The following KLHDC4 variants were observed in gnomAD, a reference collection of about 807,000 sequenced individuals.
The protein encoded by KLHDC4 is kelch domain-containing protein 4.
KLHDC4 carries 90 observed loss-of-function variants against 62.4 expected under a neutral mutation model. The ratio of observed to expected loss-of-function variants is 1.44; its 90% CI spans 1.22 to 1.72. The LOEUF is 1.72. Among genes scored for constraint, KLHDC4 ranks in the 40% most tolerant of loss-of-function variants. The pLI is 0.00. For missense variants in KLHDC4, 1,025 were observed against 699.7 expected, an observed-to-expected ratio of 1.47 and a Z score of -5.25; for synonymous variants, 386 against 284.4, an observed-to-expected ratio of 1.36 and a Z score of -3.59.
intron 4 of KLHDC4, among the ~76,000 whole-genome samples, chr16:87,751,614 A>C (rs1281793941): frequency 6.6e-6 from 1 of 152,166 alleles, no homozygotes; most frequent in Admixed American, 6.5e-5. Flanking sequence ...CACCTTACAT[A>C]ATCAGTCCCT....
chr16:87,747,483 G>A (rs921439230), intron 5 of KLHDC4: 2 of 152,152 alleles, frequency 1.3e-5, no homozygotes, highest in South Asian at 2.1e-4. Context: ...CCCAATTGCT[G>A]CGCCTACTAA....
intron 7 of KLHDC4, among the ~76,000 whole-genome samples, chr16:87,715,008 G>A (rs2036657504): frequency 6.6e-6 from 1 of 152,186 alleles, no homozygotes; most frequent in Non-Finnish European, 1.5e-5. Flanking sequence ...GGCAGGCACT[G>A]CCCACTGAAA....
intron 4 of KLHDC4, among the ~76,000 whole-genome samples, chr16:87,751,528 T>C (rs1488542182): frequency 6.7e-6 from 1 of 148,882 alleles, no homozygotes; most frequent in Non-Finnish European, 1.5e-5. Context: ...ATGCAGAAAA[T>C]ACAAATTCAG....
Position 87,708,005 on chromosome 16 carries a change from T to C in KLHDC4, c.*72A>G. 1 of 489,358 alleles carries C rather than the reference T, an allele frequency of 2.0e-6. No homozygotes were observed. The highest frequency in any genetic ancestry group is 2.3e-5 in the Admixed American group (1 of 43,460). The allele number at this position is 489,358 out of a possible 1,614,324, so 30.3% of individuals were successfully genotyped here. A position where few individuals can be genotyped will look rare whatever the true frequency, so the allele number is the denominator to read the frequency against. On this transcript the variant is annotated 3_prime_UTR_variant, in exon 12 of 12. Transcript: ENST00000270583. ...AGGACGCACGCTGGCCCCAAGAGCTTCACTCAACACGGCTGGGTCCTGGGC... is the reference window on the plus strand; with the variant it reads ...AGGACGCACGCTGGCCCCAAGAGCTCCACTCAACACGGCTGGGTCCTGGGC...
chr16:87,748,633 G>T, intron 5 of KLHDC4, 40 bp downstream of exon 5: 1 of 1,612,460 alleles, frequency 6.2e-7, no homozygotes, highest in African/African-American at 1.3e-5. Flanking sequence ...AAGCACAGAA[G>T]AGCCATGCCC....
chr16:87,764,828 G>C (rs185642240), intron 1 of KLHDC4, among the ~76,000 whole-genome samples: 1 of 90,614 alleles, frequency 1.1e-5, no homozygotes, highest in African/African-American at 6.5e-5. Flanking sequence ...GCAAGACTCT[G>C]TCAAAAAAAA....
At position 87,714,402 on chromosome 16, in the gene KLHDC4, C is replaced by T. The variant is rs1461709020; in HGVS notation, c.835+96G>A. On this transcript the variant is annotated intron_variant, in intron 8 of 11. Coordinates refer to ENST00000270583, the MANE Select transcript of KLHDC4 (RefSeq NM_017566.4). ...CTCCGCTCCGGGCAGGGTGCAGGGG[C>T]TCACCGCCAGCCCCACATCCATGGG... 9 of 1,164,248 alleles carry T rather than the reference C, an allele frequency of 7.7e-6. No individual in the cohort carries two copies. The East Asian group carries it at 3.6e-4, about 47-fold the overall frequency. The allele number at this position is 1,164,248 out of a possible 1,614,324, so 72.1% of individuals were successfully genotyped here. A position where few individuals can be genotyped will look rare whatever the true frequency, so the allele number is the denominator to read the frequency against.
At chr16:87,733,516 G>C (rs964357494) in intron 5 of KLHDC4, among the ~76,000 whole-genome samples, 1 of 152,184 alleles carries the variant, frequency 6.6e-6, no homozygotes, top group Non-Finnish European at 1.5e-5. Context: ...CAGGCACCAG[G>C]GCAGGGCCTT....
intron 7 of KLHDC4, 135 bp from the exon 8 acceptor site, chr16:87,714,708 C>T (rs2036590646): frequency 6.5e-6 from 6 of 919,122 alleles, no homozygotes; most frequent in Admixed American, 4.2e-5. Context: ...AGCTCCAAAG[C>T]GTGCCTGCAG....
At chr16:87,744,622 G>A (rs2042758042) in intron 5 of KLHDC4, among the ~76,000 whole-genome samples, 4 of 150,086 alleles carry the variant, frequency 2.7e-5, no homozygotes, top group Admixed American at 2.7e-4. Flanking sequence ...TGATGGTAAA[G>A]CTCATAAAAA....
At chr16:87,702,116 C>T (rs2142877535) in exon 1 of KLHDC4, 1 of 456,246 alleles carries the variant, frequency 2.2e-6, no homozygotes, top group Non-Finnish European at 4.4e-6. Context: ...CCCAGAGCTT[C>T]CCGCATGATC....
At chr16:87,718,118 T>G (rs1431511802) in intron 7 of KLHDC4, among the ~76,000 whole-genome samples, 2 of 152,186 alleles carry the variant, frequency 1.3e-5, no homozygotes, top group Admixed American at 1.3e-4. Context: ...TTTCTTGAAG[T>G]GTTGTGACTT....
At chr16:87,763,907 G>C (rs1383210003) in intron 1 of KLHDC4, among the ~76,000 whole-genome samples, 1 of 152,138 alleles carries the variant, frequency 6.6e-6, no homozygotes, top group Non-Finnish European at 1.5e-5. Context: ...GTATGGTTGG[G>C]GTATAGGTAA....
intron 5 of KLHDC4, chr16:87,747,695 T>A (rs2043243404): frequency 6.6e-6 from 1 of 152,208 alleles, no homozygotes; most frequent in African/African-American, 2.4e-5. Flanking sequence ...TGGTTAACAT[T>A]CCCGGCCTAG....
chr16:87,722,236 C>T (rs1324198762), intron 7 of KLHDC4, among the ~76,000 whole-genome samples: 9 of 152,212 alleles, frequency 5.9e-5, no homozygotes, highest in Admixed American at 5.2e-4. Flanking sequence ...AACGTGGTTA[C>T]GATACTGACC....
At position 87,765,939 on chromosome 16, in the gene KLHDC4, G is replaced by A. The variant is rs370568412; in HGVS notation, c.-49C>T. The stretch of plus-strand genomic sequence containing the variant: ...GGGACACCAGGAAAGAAAACGGCCC[G>A]CGCTCTCCGCTCGGAAACAGGTGCT... On this transcript the variant is annotated 5_prime_UTR_variant, in exon 1 of 12. Coordinates refer to ENST00000270583, the MANE Select transcript of KLHDC4 (RefSeq NM_017566.4). The A allele has an allele frequency of 2.0e-5, 30 of 1,519,504 alleles. 1 individual carries two copies. Among genetic ancestry groups the A allele is most frequent in the South Asian group, 1.6e-4 (13 of 83,350 alleles). 94.1% of individuals were successfully genotyped at this position (1,519,504 alleles called of 1,614,324 possible). A position where few individuals can be genotyped will look rare whatever the true frequency, so the allele number is the denominator to read the frequency against.
chr16:87,735,823 C>CT (rs1320308013), intron 5 of KLHDC4, among the ~76,000 whole-genome samples: 1 of 152,210 alleles, frequency 6.6e-6, no homozygotes, highest in Non-Finnish European at 1.5e-5. Context: ...GGCTCAGCAG[C>CT]TGCGTGCAGG....
chr16:87,699,309 C>G (rs2034033685), exon 1 of KLHDC4: 1 of 152,280 alleles, frequency 6.6e-6, no homozygotes, highest in South Asian at 2.1e-4. Context: ...TCTTTTGGAT[C>G]TAGAACCATT....
intron 5 of KLHDC4, among the ~76,000 whole-genome samples, chr16:87,735,987 T>C (rs2041240600): frequency 6.6e-6 from 1 of 152,238 alleles, no homozygotes; most frequent in Admixed American, 6.5e-5. Context: ...TTAAGCACTC[T>C]GCATGCAAAC....
Sources: gnomAD v4.1 joint callset for allele counts (sites outside exome capture counted in the v4.1 genomes callset) on GRCh38, gnomAD v4.1.1 for gene constraint, MANE v1.5 for transcripts, NCBI Gene and HGNC (gene_info 2026-07-23, HGNC 2026-07-21) for gene names.